Variants in NPIPB4 observed in about 807,000 individuals in gnomAD.
NPIPB4 encodes nuclear pore complex interacting protein family member B4.
For synonymous variants in NPIPB4, 31 were observed against 194.1 expected, an observed-to-expected ratio of 0.16 and a Z score of 6.99; for missense variants, 105 against 513.7, an observed-to-expected ratio of 0.20 and a Z score of 7.69.
chr16:21,836,513 G>A lies in NPIPB4; in HGVS notation c.1874C>T (p.Pro625Leu). Reference protein sequence around the residue: ...DDNIKTPAFHPQRMIISRHLP... With the variant: ...DDNIKTPAFHLQRMIISRHLP... ...GTGTCTTGAGATTATCATCCGCTGAGGGTGGAAGGCAGGTGTCTTGATGTT... is the reference window on the plus strand; with the variant it reads ...GTGTCTTGAGATTATCATCCGCTGAAGGTGGAAGGCAGGTGTCTTGATGTT... Residue 625 changes from proline (P) to leucine (L), a missense_variant, in exon 8 of 8, where the codon CCT becomes CTT. Pro to Leu is a moderately conservative substitution (Grantham distance 98). Transcript: ENST00000682606. 1.3e-6 allele frequency: 2 copies of A among 1,524,960 alleles called. No homozygotes were observed. Among genetic ancestry groups the A allele is most frequent in the South Asian group, 1.2e-5 (1 of 82,738 alleles). The allele number at this position is 1,524,960 out of a possible 1,614,324, so 94.5% of individuals were successfully genotyped here.
rs746299640 is a variant in NPIPB4, at chr16:21,837,388, G to A, written c.999C>T (p.Pro333=). The change falls in exon 8 of 8, where the codon CCC becomes CCT. Residue 333 remains proline (P), a synonymous_variant. Coordinates refer to ENST00000682606, the MANE Select transcript of NPIPB4 (RefSeq NM_001384980.1). ...PPECLLTPLP[P]SADDKLKTPP... The stretch of plus-strand genomic sequence containing the variant: ...GTGTCTTGAGTTTATCATCCGCTGA[G>A]GGTGGAAGGGGAGTGAGGAGACACT... 102 of 1,450,888 alleles carry A rather than the reference G, an allele frequency of 7.0e-5. 12 individuals carry two copies. Among genetic ancestry groups the A allele is most frequent in the Non-Finnish European group, 9.0e-5 (101 of 1,123,720 alleles). The allele number at this position is 1,450,888 out of a possible 1,614,324, so 89.9% of individuals were successfully genotyped here.
chr16:21,837,476 G>A lies in NPIPB4; in HGVS notation c.911C>T (p.Pro304Leu). ...PPSADDNLKT[P>L]PECVLTPLPP... is the part of the protein sequence containing the mutation. ...AAGGGGAGTGAGCACACACTCGGGAGGTGTCTTGAGATTATCATCCGCTGA... is the reference window on the plus strand; with the variant it reads ...AAGGGGAGTGAGCACACACTCGGGAAGTGTCTTGAGATTATCATCCGCTGA... The change falls in exon 8 of 8, where the codon CCT (proline) becomes CTT (leucine). Residue 304 changes from proline (P) to leucine (L), a missense_variant. By Grantham distance (98) the Pro-to-Leu change is moderately conservative. Transcript: ENST00000682606. 1.8e-6 allele frequency: 1 copy of A among 565,114 alleles called. No homozygotes were observed. The allele number at this position is 565,114 out of a possible 1,614,324, so 35.0% of individuals were successfully genotyped here.
intron 2 of NPIPB4, among the ~76,000 whole-genome samples, chr16:21,850,362 A>G (rs1902397982): frequency 6.7e-6 from 1 of 150,264 alleles, no homozygotes; most frequent in East Asian, 2.0e-4. Flanking sequence ...ACTTAAGGTT[A>G]TATATTTTGG....
intron 2 of NPIPB4, among the ~76,000 whole-genome samples, chr16:21,850,003 T>TATCATCAAAAAA (rs1194565090): frequency 4.7e-5 from 1 of 21,366 alleles, no homozygotes; most frequent in Non-Finnish European, 1.2e-4. Context: ...GGTTCACGCC[T>TATCATCAAAAAA]GTAATCCCAA....
intron 5 of NPIPB4, among the ~76,000 whole-genome samples, chr16:21,842,027 T>C (rs1219220590): frequency 6.6e-6 from 1 of 151,434 alleles, no homozygotes; most frequent in South Asian, 2.1e-4. Context: ...TTGCAGCTTG[T>C]ATGGAGGACC....
At chr16:21,853,661 CTAGATTTCGGTTGTGGTGG>C (rs1408138249) in intron 2 of NPIPB4, among the ~76,000 whole-genome samples, 1 of 76,722 alleles carries the variant, frequency 1.3e-5, no homozygotes, top group Non-Finnish European at 2.3e-5. Flanking sequence ...AAAAGCAGCC[CTAGATTTCGGTTGTGGTGG>C]TTGTAAAAGG....
chr16:21,850,501 T>A (rs1248488734), intron 2 of NPIPB4, among the ~76,000 whole-genome samples: 1 of 151,790 alleles, frequency 6.6e-6, no homozygotes, highest in African/African-American at 2.4e-5. Context: ...ACACAAAAAT[T>A]AGCCAGGCGT....
intron 2 of NPIPB4, chr16:21,851,325 G>C (rs1902508913): frequency 1.6e-5 from 2 of 124,024 alleles, no homozygotes; most frequent in Non-Finnish European, 1.4e-5. Flanking sequence ...GGGAAGTAAG[G>C]GAAGGGAAAG....
At chr16:21,840,527 C>T in intron 5 of NPIPB4, among the ~76,000 whole-genome samples, 1 of 150,552 alleles carries the variant, frequency 6.6e-6, no homozygotes, top group Non-Finnish European at 1.5e-5. Flanking sequence ...TCAAAGATTC[C>T]CCCCTGCAAC....
At chr16:21,851,308 G>A in intron 2 of NPIPB4, 1 of 159,572 alleles carries the variant, frequency 6.3e-6, no homozygotes, top group African/African-American at 5.1e-5. Context: ...GAAGGGGAGG[G>A]GAAGGGGGGA....
chr16:21,842,824 TAAAA>T (rs1204580494), intron 5 of NPIPB4, among the ~76,000 whole-genome samples: 1 of 45,288 alleles, frequency 2.2e-5, no homozygotes, highest in African/African-American at 8.4e-5. Flanking sequence ...ATCGCAAAAT[TAAAA>T]AAAAAAAAAA....
chr16:21,851,293 G>T (rs1902502905), intron 2 of NPIPB4: 4 of 206,750 alleles, frequency 1.9e-5, no homozygotes, highest in African/African-American at 1.6e-4. Context: ...AGGGGAGGGG[G>T]AGGGGAAGGG....
At chr16:21,849,982 C>T (rs1902344335) in intron 2 of NPIPB4, among the ~76,000 whole-genome samples, 2 of 16,374 alleles carry the variant, frequency 1.2e-4, no homozygotes, top group South Asian at 1.4e-3. Flanking sequence ...TAGATCTTGG[C>T]TGGGCATGGT....
At chr16:21,850,764 CAA>C (rs1902459450) in intron 2 of NPIPB4, among the ~76,000 whole-genome samples, 4 of 79,912 alleles carry the variant, frequency 5.0e-5, no homozygotes, top group Non-Finnish European at 7.2e-5. Flanking sequence ...TTGTTAAAAA[CAA>C]GAGTGCAGCG....
Position 21,837,341 on chromosome 16 carries a change from G to T in NPIPB4, c.1046C>A (p.Pro349His). 1 of 1,334,114 alleles carries T rather than the reference G, an allele frequency of 7.5e-7. No individual in the cohort carries two copies. Among genetic ancestry groups the T allele is most frequent in the South Asian group, 1.5e-5 (1 of 66,548 alleles). 82.6% of individuals were successfully genotyped at this position (1,334,114 alleles called of 1,614,324 possible). The change falls in exon 8 of 8, where the codon CCC becomes CAC. Residue 349 changes from proline (P) to histidine (H), a missense_variant. By Grantham distance (77) the Pro-to-His change is moderately conservative. Transcript: ENST00000682606. ...TGAGGGTAGAGCTGAGGGTGGAAGGGGAGTGAGCAGACACTCGGGAGGTGT... is the reference window on the plus strand; with the variant it reads ...TGAGGGTAGAGCTGAGGGTGGAAGGTGAGTGAGCAGACACTCGGGAGGTGT... ...LKTPPECLLT[P>H]LPPSALPSAP...
chr16:21,850,200 G>T (rs1185827395), intron 2 of NPIPB4, among the ~76,000 whole-genome samples: 22 of 141,388 alleles, frequency 1.6e-4, no homozygotes, highest in African/African-American at 5.3e-4. Context: ...AGCAGAGGTT[G>T]CGGTGAGCTG....
chr16:21,840,571 C>T (rs529742244), intron 5 of NPIPB4, among the ~76,000 whole-genome samples: 14 of 149,034 alleles, frequency 9.4e-5, no homozygotes, highest in East Asian at 4.0e-4. Context: ...TTCTCACAAC[C>T]GAAGGGAGAA....
Position 21,837,389 on chromosome 16 carries a change from G to C in NPIPB4, c.998C>G (p.Pro333Arg), listed in dbSNP as rs1189208177. 4.8e-6 allele frequency: 7 copies of C among 1,454,950 alleles called. 2 individuals are homozygous for C. Among genetic ancestry groups the C allele is most frequent in the South Asian group, 2.6e-5 (2 of 76,732 alleles). The allele number at this position is 1,454,950 out of a possible 1,614,324, so 90.1% of individuals were successfully genotyped here. ...PPECLLTPLPPSADDKLKTPP... is the reference protein window; with the variant it reads ...PPECLLTPLPRSADDKLKTPP... Reference sequence around the variant, plus strand: ...TGTCTTGAGTTTATCATCCGCTGAGGGTGGAAGGGGAGTGAGGAGACACTC... The same window carrying C: ...TGTCTTGAGTTTATCATCCGCTGAGCGTGGAAGGGGAGTGAGGAGACACTC... The change falls in exon 8 of 8, where the codon CCC (proline) becomes CGC (arginine). Residue 333 changes from proline (P) to arginine (R), a missense_variant. Coordinates refer to ENST00000682606, the MANE Select transcript of NPIPB4 (RefSeq NM_001384980.1).
At chr16:21,840,425 T>C (rs1901664965) in intron 5 of NPIPB4, among the ~76,000 whole-genome samples, 1 of 134,404 alleles carries the variant, frequency 7.4e-6, no homozygotes, top group Non-Finnish European at 1.6e-5. Context: ...CACGCTTAGT[T>C]TCCTCAGATT....
Sources: allele counts gnomAD v4.1 joint callset (sites outside exome capture counted in the v4.1 genomes callset), GRCh38; gene constraint gnomAD v4.1.1; transcripts MANE v1.5; gene names NCBI Gene and HGNC (gene_info 2026-07-23, HGNC 2026-07-21).